The following ITGAE variants were observed in gnomAD, a reference collection of about 807,000 sequenced individuals.
The protein encoded by ITGAE is integrin alpha-E.
Under a neutral mutation model 136.5 loss-of-function variants are expected in ITGAE, and 99 were observed. The observed-to-expected ratio is 0.73, with a 90% confidence interval of 0.62 to 0.86. ITGAE has a LOEUF of 0.86. Among genes scored for constraint, ITGAE ranks in the 40% least tolerant of loss-of-function variants. ITGAE has a pLI of 0.00. For missense variants in ITGAE, 1,447 were observed against 1,515.3 expected (o/e 0.95, Z 0.75); for synonymous variants, 613 against 591.8 (o/e 1.04, Z -0.52).
intron 21 of ITGAE, 26 bp downstream of exon 21, chr17:3,734,791 G>C: frequency 6.2e-7 from 1 of 1,613,568 alleles, no homozygotes; most frequent in South Asian, 1.1e-5. Context: ...TGAGGGACCT[G>C]TTTCCACAGC....
intron 1 of ITGAE, among the ~76,000 whole-genome samples, chr17:3,793,054 T>C (rs1403031314): frequency 6.6e-6 from 1 of 151,976 alleles, no homozygotes. Context: ...AATCTTTTTC[T>C]TTTTTCTTTT....
At chr17:3,779,170 A>C (rs2052608782) in intron 1 of ITGAE, among the ~76,000 whole-genome samples, 1 of 152,164 alleles carries the variant, frequency 6.6e-6, no homozygotes, top group Admixed American at 6.6e-5. Flanking sequence ...CAAGGTGTGC[A>C]TGTGTCAGAA....
At chr17:3,723,565 G>A (rs1395943693) in intron 27 of ITGAE, 123 bp downstream of exon 27, 1 of 1,122,108 alleles carries the variant, frequency 8.9e-7, no homozygotes, top group South Asian at 1.5e-5. Flanking sequence ...CGAAGCTAGG[G>A]AGGGCCTGGC....
chr17:3,735,039 G>C, intron 20 of ITGAE, 90 bp from the exon 21 acceptor site: 1 of 1,415,148 alleles, frequency 7.1e-7, no homozygotes, highest in South Asian at 1.2e-5. Context: ...AGGCTAGAGC[G>C]TGGTGCTGTG....
chr17:3,733,684 G>A (rs566892516), intron 21 of ITGAE, among the ~76,000 whole-genome samples: 1 of 152,216 alleles, frequency 6.6e-6, no homozygotes, highest in Non-Finnish European at 1.5e-5. Context: ...GCCTCCCAAA[G>A]TGCTGGGATT....
chr17:3,781,764 A>T (rs754993600), intron 1 of ITGAE, among the ~76,000 whole-genome samples: 1 of 152,166 alleles, frequency 6.6e-6, no homozygotes, highest in Non-Finnish European at 1.5e-5. Flanking sequence ...GAAATGTCTC[A>T]TCATTATTTG....
chr17:3,754,396 C>G (rs2051949744), intron 12 of ITGAE, among the ~76,000 whole-genome samples: 1 of 152,166 alleles, frequency 6.6e-6, no homozygotes, highest in African/African-American at 2.4e-5. Flanking sequence ...CTCAGCCTTC[C>G]GAGTACGTGG....
At chr17:3,754,489 C>T (rs192994812) in intron 12 of ITGAE, 19 of 153,244 alleles carry the variant, frequency 1.2e-4, no homozygotes, top group African/African-American at 4.1e-4. Flanking sequence ...CCGGGCTGGT[C>T]TCCAGACCTC....
intron 1 of ITGAE, among the ~76,000 whole-genome samples, chr17:3,778,126 G>A (rs1189735684): frequency 2.0e-5 from 3 of 151,978 alleles, no homozygotes; most frequent in Non-Finnish European, 4.4e-5. Context: ...AGCTTTATTC[G>A]GAAGAGCCCC....
intron 2 of ITGAE, among the ~76,000 whole-genome samples, chr17:3,766,031 A>G (rs931015230): frequency 4.6e-5 from 7 of 152,198 alleles, no homozygotes; most frequent in African/African-American, 1.7e-4. Context: ...GAGTTAATAA[A>G]TTAAGGATCA....
At chr17:3,796,849 G>A (rs1240244747) in intron 1 of ITGAE, among the ~76,000 whole-genome samples, 1 of 152,114 alleles carries the variant, frequency 6.6e-6, no homozygotes, top group Non-Finnish European at 1.5e-5. Flanking sequence ...GGAAACCGAG[G>A]CCCATGGGGC....
rs78134599 is a variant in ITGAE at position 3,731,335 on chromosome 17, CTTTTT to C, written c.2755-157_2755-153del. On this transcript the variant is annotated intron_variant, in intron 22 of 30. Coordinates refer to ENST00000263087, the MANE Select transcript of ITGAE (RefSeq NM_002208.5). ...AACACAGCATGTTTCCTTTCCCTTC[CTTTTT>C]TTTTTTTTTTTTTTTTTTTGAGAGG... 1.6e-3 allele frequency: 640 copies of C among 398,364 alleles called. 1 individual carries two copies. Among genetic ancestry groups the C allele is most frequent in the African/African-American group, 0.01 (461 of 45,556 alleles). The allele number at this position is 398,364 out of a possible 1,614,324, so 24.7% of individuals were successfully genotyped here. A position where few individuals can be genotyped will look rare whatever the true frequency, so the allele number is the denominator to read the frequency against.
At chr17:3,748,137 G>T in intron 16 of ITGAE, 85 bp from the exon 17 acceptor site, 1 of 1,391,024 alleles carries the variant, frequency 7.2e-7, no homozygotes, top group Non-Finnish European at 9.8e-7. Flanking sequence ...GCATTCAATG[G>T]TTCTCTATCA....
rs775319727 is a variant in ITGAE at position 3,724,064 on chromosome 17, C to T, written c.3085-320G>A. On this transcript the variant is annotated intron_variant, in intron 26 of 30. Coordinates refer to ENST00000263087, the MANE Select transcript of ITGAE (RefSeq NM_002208.5). ...TCCCGCCGCAGGACCGGAGGCGTTT[C>T]TTCAACAGCAGCGGCAGCAGCGACG... 5 of 1,597,296 alleles carry T rather than the reference C, an allele frequency of 3.1e-6. No individual in the cohort carries two copies. The African/African-American group carries it at 4.0e-5, about 13-fold the overall frequency.
intron 2 of ITGAE, among the ~76,000 whole-genome samples, chr17:3,766,051 G>C (rs1248056482): frequency 2.0e-5 from 3 of 152,204 alleles, no homozygotes; most frequent in Non-Finnish European, 4.4e-5. Context: ...ATGAGATGGG[G>C]GGGTTATCCT....
chr17:3,746,097 C>G (rs962706514), intron 17 of ITGAE, among the ~76,000 whole-genome samples, 170 bp from the exon 18 acceptor site: 5 of 152,158 alleles, frequency 3.3e-5, no homozygotes, highest in Non-Finnish European at 7.3e-5. Context: ...TTTTTCTCAC[C>G]GTCTTCTGAC....
At chr17:3,725,260 A>T (rs1343802327) in intron 26 of ITGAE, 1 of 1,614,192 alleles carries the variant, frequency 6.2e-7, no homozygotes, top group South Asian at 1.1e-5. Context: ...TCCTCTATGT[A>T]TTTGCTAAGC....
In ITGAE at chr17:3,751,855, G is replaced by C; in HGVS notation, c.1688C>G (p.Ala563Gly). ...LSEQDGSFSL[A>G]RILSGHPGFT... ...CCCGGGGTGCCCACTCAGTATGCGT[G>C]CCAAGGAGAAAGAACCATCCTGTAA... Residue 563 changes from alanine to glycine, a missense_variant, in exon 15 of 31, where the codon GCA (alanine) becomes GGA (glycine). This residue lies in a region of ITGAE where 1,031 missense variants were observed against 1,011.4 expected (regional missense o/e 1.02). Transcript: ENST00000263087. The C allele has an allele frequency of 6.2e-7, 1 of 1,613,870 alleles. No individual in the cohort carries two copies. The highest frequency in any genetic ancestry group is 8.5e-7 in the Non-Finnish European group (1 of 1,179,826).
Position 3,787,578 on chromosome 17 carries a change from C to T in ITGAE, c.35-9918G>A, listed in dbSNP as rs140211878. On this transcript the variant is annotated intron_variant, in intron 1 of 30. Coordinates refer to ENST00000263087, the MANE Select transcript of ITGAE (RefSeq NM_002208.5). Reference sequence around the variant, plus strand: ...TGGCCTGCTATGAGTGTCTTGCAGACGTCTTCATGACCATATGAACACATT... The same window carrying T: ...TGGCCTGCTATGAGTGTCTTGCAGATGTCTTCATGACCATATGAACACATT... 2.2e-3 allele frequency among the ~76,000 whole-genome samples: 337 copies of T among 152,140 alleles called. 1 individual carries two copies. Among genetic ancestry groups the T allele is most frequent in the African/African-American group, 7.3e-3 (305 of 41,530 alleles).
Sources: gnomAD v4.1 joint callset for allele counts (sites outside exome capture counted in the v4.1 genomes callset) on GRCh38, gnomAD v4.1.1 for gene constraint, gnomAD v4.1.1 regional missense constraint, MANE v1.5 for transcripts, NCBI Gene and HGNC (gene_info 2026-07-23, HGNC 2026-07-21) for gene names.